ZNF451: variants seen among roughly 807,000 people sequenced by gnomAD.
ZNF451 encodes the protein zinc finger protein 451.
In ZNF451, 80 loss-of-function variants were observed where a neutral mutation model predicts 107.1. The ratio of observed to expected loss-of-function variants is 0.75; its 90% CI spans 0.62 to 0.90. The LOEUF (loss-of-function observed/expected upper bound fraction) is 0.90. Ranked by LOEUF, ZNF451 falls within the 40% of genes least tolerant of loss-of-function variation. The pLI is 0.00. For missense variants in ZNF451, 1,107 were observed against 1,236.2 expected (o/e 0.90, Z 1.57); for synonymous variants, 362 against 406.5 (o/e 0.89, Z 1.32).
intron 14 of ZNF451, among the ~76,000 whole-genome samples, chr6:57,161,773 C>CA (rs1763684525): frequency 6.6e-6 from 1 of 152,154 alleles, no homozygotes; most frequent in African/African-American, 2.4e-5. Flanking sequence ...CAGCTCACTG[C>CA]AACCTCTGCC....
At chr6:57,117,902 G>A (rs751196792) in intron 3 of ZNF451, among the ~76,000 whole-genome samples, 2 of 152,142 alleles carry the variant, frequency 1.3e-5, no homozygotes, top group African/African-American at 2.4e-5. Flanking sequence ...TTCTTCCCGA[G>A]TTAGGATTAC....
intron 10 of ZNF451, 136 bp downstream of exon 10, chr6:57,148,829 A>T (rs1472262397): frequency 1.3e-6 from 1 of 797,964 alleles, no homozygotes; most frequent in African/African-American, 1.7e-5. Flanking sequence ...TATACATTTT[A>T]GGGGTTTGTA....
At chr6:57,101,163 G>GC (rs1209661651) in intron 3 of ZNF451, 1 of 1,550,656 alleles carries the variant, frequency 6.4e-7, no homozygotes, top group African/African-American at 1.4e-5. Context: ...ACAAAGGGCA[G>GC]CCATCTGACC....
intron 3 of ZNF451, among the ~76,000 whole-genome samples, chr6:57,113,665 AGGCT>A (rs1390142167): frequency 6.9e-6 from 1 of 145,826 alleles, no homozygotes; most frequent in Admixed American, 7.1e-5. Flanking sequence ...TCTGTCACCC[AGGCT>A]GGAGTGCAGT....
At chr6:57,164,143 T>C (rs1407423266) in intron 14 of ZNF451, among the ~76,000 whole-genome samples, 1 of 152,194 alleles carries the variant, frequency 6.6e-6, no homozygotes, top group Non-Finnish European at 1.5e-5. Flanking sequence ...GTCATAACAA[T>C]CCCATATAAT....
intron 2 of ZNF451, among the ~76,000 whole-genome samples, chr6:57,097,006 G>C (rs1829360368): frequency 1.3e-5 from 2 of 151,764 alleles, no homozygotes; most frequent in African/African-American, 2.4e-5. Flanking sequence ...CTGACCTCAA[G>C]TCATCTACCC....
At chr6:57,141,620 T>G (rs920596300) in intron 8 of ZNF451, among the ~76,000 whole-genome samples, 165 bp downstream of exon 8, 3 of 152,192 alleles carry the variant, frequency 2.0e-5, no homozygotes, top group African/African-American at 7.2e-5. Flanking sequence ...TTCTTAATAT[T>G]TATTTGTACG....
At chr6:57,106,611 A>ATTTTT (rs75440505) in intron 3 of ZNF451, 18 of 949,438 alleles carry the variant, frequency 1.9e-5, no homozygotes, top group Admixed American at 6.9e-5. Flanking sequence ...TGGCTGTGAA[A>ATTTTT]TTTTTTTTTT....
At chr6:57,099,964 C>G (rs1396472453) in intron 3 of ZNF451, among the ~76,000 whole-genome samples, 1 of 152,144 alleles carries the variant, frequency 6.6e-6, no homozygotes, top group East Asian at 1.9e-4. Flanking sequence ...ATTAAGTAAC[C>G]TTTTAGCCTC....
At chr6:57,148,786 T>C in intron 10 of ZNF451, 93 bp downstream of exon 10, 1 of 1,218,996 alleles carries the variant, frequency 8.2e-7, no homozygotes, top group Non-Finnish European at 1.1e-6. Flanking sequence ...AGAAACAGGG[T>C]AACTTCTTGA....
Position 57,147,809 on chromosome 6 carries a change from C to T in ZNF451, c.1724C>T (p.Ser575Phe), listed in dbSNP as rs753029091. 4 of 1,614,046 alleles carry T rather than the reference C, an allele frequency of 2.5e-6. No homozygotes were observed. Among genetic ancestry groups the T allele is most frequent in the Non-Finnish European group, 1.7e-6 (2 of 1,179,996 alleles). ...EVEGETLPSS[S>F]TTLDNLTANK... The stretch of plus-strand genomic sequence containing the variant: ...GAAGGTGAAACTTTGCCATCATCCT[C>T]TACAACATTGGATAATTTGACTGCT... The change falls in exon 10 of 15, where the codon TCT becomes TTT. Residue 575 changes from serine to phenylalanine, a missense_variant. Around this residue, in one of 5 missense-constraint regions of ZNF451, gnomAD observed 608 missense variants for 649.2 expected, o/e 0.94. Coordinates refer to ENST00000370706, the MANE Select transcript of ZNF451 (RefSeq NM_001031623.3).
chr6:57,146,711 G>A (rs546359064), intron 9 of ZNF451, among the ~76,000 whole-genome samples: 21 of 152,224 alleles, frequency 1.4e-4, no homozygotes, highest in East Asian at 9.6e-4. Flanking sequence ...AATAGGAACT[G>A]GGTTGTCTAG....
In ZNF451 at chr6:57,168,700, T is replaced by C; in HGVS notation, c.*231T>C. On this transcript the variant is annotated 3_prime_UTR_variant, in exon 15 of 15. Coordinates refer to ENST00000370706, the MANE Select transcript of ZNF451 (RefSeq NM_001031623.3). ...TCATGCAAATATAAATTATGTATTCTAATATAGGTGTAACAGTTTCCCAGT... is the reference window on the plus strand; with the variant it reads ...TCATGCAAATATAAATTATGTATTCCAATATAGGTGTAACAGTTTCCCAGT... 1 of 460,900 alleles carries C rather than the reference T, an allele frequency of 2.2e-6. No homozygotes were observed. The highest frequency in any genetic ancestry group is 3.8e-6 in the Non-Finnish European group (1 of 264,038). 28.6% of individuals were successfully genotyped at this position (460,900 alleles called of 1,614,324 possible). A position where few individuals can be genotyped will look rare whatever the true frequency, so the allele number is the denominator to read the frequency against.
At position 57,104,553 on chromosome 6, in the gene ZNF451, G is replaced by A. The variant is rs1405404515; in HGVS notation, c.186+5412G>A. 10 of 984,746 alleles carry A rather than the reference G, an allele frequency of 1.0e-5. No individual in the cohort carries two copies. The South Asian group carries it at 1.9e-4, about 19-fold the overall frequency. The allele number at this position is 984,746 out of a possible 1,614,324, so 61.0% of individuals were successfully genotyped here. On this transcript the variant is annotated intron_variant, in intron 3 of 14. Transcript: ENST00000370706. ...AATGCGTTTGTCTGAAACGATTTTG[G>A]CACTTCCCTTTAATATGCTTCCCCT...
In ZNF451 at chr6:57,099,212, C is replaced by A; in HGVS notation, c.186+71C>A. ...AAGAGGTATTCTCTAAAGAGAGTTACCAAATCAGGGAAGGCTGTGTTTAGA... is the reference window on the plus strand; with the variant it reads ...AAGAGGTATTCTCTAAAGAGAGTTAACAAATCAGGGAAGGCTGTGTTTAGA... On this transcript the variant is annotated intron_variant, in intron 3 of 14. Transcript: ENST00000370706. 2.5e-6 allele frequency: 3 copies of A among 1,220,308 alleles called. No homozygotes were observed. The South Asian group carries it at 3.8e-5, about 15-fold the overall frequency. 75.6% of individuals were successfully genotyped at this position (1,220,308 alleles called of 1,614,324 possible). A position where few individuals can be genotyped will look rare whatever the true frequency, so the allele number is the denominator to read the frequency against.
intron 11 of ZNF451, chr6:57,151,482 G>T (rs1379624173): frequency 6.6e-6 from 1 of 151,624 alleles, no homozygotes; most frequent in Non-Finnish European, 1.5e-5. Context: ...TACTAACATG[G>T]TTACTGATTA....
intron 3 of ZNF451, chr6:57,103,375 A>G (rs559230311): frequency 1.0e-6 from 1 of 985,440 alleles, no homozygotes; most frequent in Admixed American, 6.1e-5. Flanking sequence ...TTAATTGGTT[A>G]CTTAATTTAG....
chr6:57,142,499 T>C (rs1831819838), intron 9 of ZNF451, among the ~76,000 whole-genome samples: 1 of 152,222 alleles, frequency 6.6e-6, no homozygotes, highest in South Asian at 2.1e-4. Context: ...GTGATTGCCA[T>C]AGTATCTGTG....
At chr6:57,119,676 A>G (rs996145892) in intron 3 of ZNF451, among the ~76,000 whole-genome samples, 1 of 152,024 alleles carries the variant, frequency 6.6e-6, no homozygotes, top group Non-Finnish European at 1.5e-5. Context: ...CTCCATGCAA[A>G]ACCTCCACTA....
Sources: gnomAD v4.1 joint callset for allele counts (sites outside exome capture counted in the v4.1 genomes callset) on GRCh38, gnomAD v4.1.1 for gene constraint, gnomAD v4.1.1 regional missense constraint, MANE v1.5 for transcripts, NCBI Gene and HGNC (gene_info 2026-07-23, HGNC 2026-07-21) for gene names.